Variants in DLGAP2 observed in about 807,000 individuals in gnomAD.
The protein encoded by DLGAP2 is DLG associated protein 2.
In DLGAP2, 26 loss-of-function variants were observed where a neutral mutation model predicts 100.3. The ratio of observed to expected loss-of-function variants is 0.26; its 90% confidence interval spans 0.19 to 0.36. The LOEUF (loss-of-function observed/expected upper bound fraction) is 0.36. Ranked by LOEUF, DLGAP2 falls within the 10% of genes least tolerant of loss-of-function variation. The pLI is 1.00. For synonymous variants in DLGAP2, 886 were observed against 630.1 expected (o/e 1.41, Z -6.08); for missense variants, 1,858 against 1,453.2 (o/e 1.28, Z -4.53).
chr8:1,181,765 G>C lies in DLGAP2; in HGVS notation c.74-77086G>C, dbSNP rs943982148. Reference sequence around the variant, plus strand: ...GCAAAAGCAGCCCCGTGCTCCCCAGGCTGGGCTAGGGATTGATGGATGGAG... The same window carrying C: ...GCAAAAGCAGCCCCGTGCTCCCCAGCCTGGGCTAGGGATTGATGGATGGAG... On this transcript the variant is annotated intron_variant, in intron 2 of 14. Transcript: ENST00000637795. Among the ~76,000 whole-genome samples, 3 of 152,114 alleles carry C rather than the reference G, an allele frequency of 2.0e-5. No homozygotes were observed. The East Asian group carries it at 5.8e-4, about 29-fold the overall frequency.
intron 2 of DLGAP2, among the ~76,000 whole-genome samples, chr8:1,214,378 C>T (rs1585158763): frequency 6.6e-6 from 1 of 152,184 alleles, no homozygotes; most frequent in Admixed American, 6.5e-5. Flanking sequence ...GGAAGAGGTG[C>T]CATTGCTGAT....
At chr8:1,357,192 G>A (rs1453727752) in intron 3 of DLGAP2, among the ~76,000 whole-genome samples, 5 of 152,096 alleles carry the variant, frequency 3.3e-5, no homozygotes, top group South Asian at 2.1e-4. Context: ...GATCTCAGTC[G>A]CAAGGGTGCT....
At chr8:1,618,861 C>T (rs971924251) in intron 6 of DLGAP2, among the ~76,000 whole-genome samples, 1 of 152,128 alleles carries the variant, frequency 6.6e-6, no homozygotes, top group Non-Finnish European at 1.5e-5. Flanking sequence ...ATCTCTGGCA[C>T]CTGTCCAGTA....
intron 2 of DLGAP2, among the ~76,000 whole-genome samples, chr8:1,221,701 C>T (rs1485310235): frequency 6.6e-6 from 1 of 152,184 alleles, no homozygotes; most frequent in Non-Finnish European, 1.5e-5. Flanking sequence ...TTCCGAGTTG[C>T]TTGCTGTCAC....
chr8:1,037,320 C>T (rs957291592), intron 2 of DLGAP2, among the ~76,000 whole-genome samples: 1 of 152,142 alleles, frequency 6.6e-6, no homozygotes, highest in African/African-American at 2.4e-5. Context: ...TGAAGGACAC[C>T]TTTTATCTCA....
At chr8:847,029 C>T (rs1242804187) in intron 1 of DLGAP2, among the ~76,000 whole-genome samples, 1 of 152,150 alleles carries the variant, frequency 6.6e-6, no homozygotes, top group African/African-American at 2.4e-5. Context: ...CTTTTGATTA[C>T]TGTGGAATAG....
intron 2 of DLGAP2, among the ~76,000 whole-genome samples, chr8:1,079,036 C>T (rs79738374): frequency 0.03 from 4,539 of 152,300 alleles, 188 homozygotes; most frequent in East Asian, 0.13. Context: ...GAGGAGAGTT[C>T]CTGTTGCTCC....
At chr8:1,069,930 C>T (rs1426221756) in intron 2 of DLGAP2, among the ~76,000 whole-genome samples, 1 of 152,184 alleles carries the variant, frequency 6.6e-6, no homozygotes, top group African/African-American at 2.4e-5. Context: ...GGCTGAACCC[C>T]CTCCCCAAAG....
At chr8:1,384,392 T>G (rs1796168115) in intron 3 of DLGAP2, among the ~76,000 whole-genome samples, 1 of 122,308 alleles carries the variant, frequency 8.2e-6, no homozygotes, top group Admixed American at 7.9e-5. Context: ...GCCCGGCCCC[T>G]GAGAACTTGG....
chr8:916,911 G>C (rs192064560), intron 2 of DLGAP2, among the ~76,000 whole-genome samples: 1 of 152,152 alleles, frequency 6.6e-6, no homozygotes, highest in Non-Finnish European at 1.5e-5. Context: ...ACTGATGCCC[G>C]GGAGGGCACA....
At chr8:1,050,530 A>T (rs770589522) in intron 2 of DLGAP2, among the ~76,000 whole-genome samples, 1 of 152,214 alleles carries the variant, frequency 6.6e-6, no homozygotes, top group Non-Finnish European at 1.5e-5. Context: ...TTTTCAGCTC[A>T]TGATGGGTTT....
rs73534873 is a variant in DLGAP2 at position 1,179,332 on chromosome 8, G to A, written c.74-79519G>A. 7.6e-3 allele frequency among the ~76,000 whole-genome samples: 1,152 copies of A among 152,360 alleles called. 18 individuals carry two copies. Among genetic ancestry groups the A allele is most frequent in the African/African-American group, 0.026 (1,090 of 41,582 alleles). ...CCCCATTTTCGCCTGTGCCAAGGTG[G>A]CCAGGCACCAGCTGAGGCTGTGGGT... On this transcript the variant is annotated intron_variant, in intron 2 of 14. Transcript: ENST00000637795.
At chr8:1,306,091 A>AAAAAAAAAAAAG (rs1563073469) in intron 3 of DLGAP2, among the ~76,000 whole-genome samples, 1 of 131,438 alleles carries the variant, frequency 7.6e-6, no homozygotes, top group Non-Finnish European at 1.6e-5. Context: ...AAAAAAAAAA[A>AAAAAAAAAAAAG]AGAGAGAGGG....
chr8:820,980 G>C (rs755651407), intron 1 of DLGAP2, among the ~76,000 whole-genome samples: 15 of 152,182 alleles, frequency 9.9e-5, no homozygotes, highest in Non-Finnish European at 2.1e-4. Context: ...TGAACAGTAA[G>C]TGCCTGGAAA....
chr8:1,641,887 C>G (rs1797911097), intron 8 of DLGAP2, among the ~76,000 whole-genome samples: 1 of 130,548 alleles, frequency 7.7e-6, no homozygotes, highest in South Asian at 2.6e-4. Flanking sequence ...CCCGCCGGTC[C>G]TCACCTGTGT....
intron 3 of DLGAP2, among the ~76,000 whole-genome samples, chr8:1,362,010 C>T (rs1801992977): frequency 7.9e-5 from 12 of 152,214 alleles, no homozygotes; most frequent in Admixed American, 6.5e-4. Context: ...GGAATGGCCC[C>T]TTCCGTGCTA....
Position 822,127 on chromosome 8 carries a change from C to T in DLGAP2, c.18+84302C>T, listed in dbSNP as rs564527373. On this transcript the variant is annotated intron_variant, in intron 1 of 14. Transcript: ENST00000637795. ...CATCCGAGGCTTGGCCCTAGCCCTG[C>T]GCGGCTTCCCTCGCGGCTGCTAACC... is the stretch of plus-strand genomic sequence containing the variant. 41 of 399,640 alleles carry T rather than the reference C, an allele frequency of 1.0e-4. 1 individual carries two copies. The South Asian group carries it at 3.3e-3, about 32-fold the overall frequency. 24.8% of individuals were successfully genotyped at this position (399,640 alleles called of 1,614,324 possible). A position where few individuals can be genotyped will look rare whatever the true frequency, so the allele number is the denominator to read the frequency against.
At chr8:779,854 TTA>T (rs1280129340) in intron 1 of DLGAP2, among the ~76,000 whole-genome samples, 1 of 151,994 alleles carries the variant, frequency 6.6e-6, no homozygotes, top group Non-Finnish European at 1.5e-5. Flanking sequence ...TAAAATTTAA[TTA>T]TAAATTTATA....
intron 2 of DLGAP2, among the ~76,000 whole-genome samples, chr8:970,350 G>A (rs561860657): frequency 1.3e-3 from 201 of 152,266 alleles, no homozygotes; most frequent in African/African-American, 4.7e-3. Flanking sequence ...AAAATTGTGT[G>A]CAACTCATTT....
Sources: allele counts gnomAD v4.1 joint callset (sites outside exome capture counted in the v4.1 genomes callset), GRCh38; gene constraint gnomAD v4.1.1; transcripts MANE v1.5; gene names NCBI Gene and HGNC (gene_info 2026-07-23, HGNC 2026-07-21).